ZNF831: variants seen among roughly 807,000 people sequenced by gnomAD.
The protein encoded by ZNF831 is chromosome 20 open reading frame 174.
Under a neutral mutation model 95.8 loss-of-function variants are expected in ZNF831, and 59 were observed. The observed-to-expected ratio is 0.62, with a 90% CI of 0.50 to 0.77. The LOEUF (loss-of-function observed/expected upper bound fraction) is 0.77, where lower values mean the gene tolerates loss of function less well. Among genes scored for constraint, ZNF831 ranks in the 30% least tolerant of loss-of-function variants. The probability of loss-of-function intolerance (pLI) is 0.00; values close to 1 mark genes in which losing one functional copy is unlikely to be tolerated. For synonymous variants in ZNF831, 961 were observed against 925.5 expected, an observed-to-expected ratio of 1.04 and a Z score of -0.70; for missense variants, 2,205 against 2,164.0, an observed-to-expected ratio of 1.02 and a Z score of -0.38.
Position 59,148,722 on chromosome 20 carries a change from AAAG to A in ZNF831, c.-1281+2351_-1281+2353del, listed in dbSNP as rs1392047804. Among the ~76,000 whole-genome samples the A allele has an allele frequency of 4.6e-5, 4 of 87,700 alleles. 1 individual carries two copies. The highest frequency in any genetic ancestry group is 2.7e-4 in the South Asian group (1 of 3,654). 57.5% of individuals were successfully genotyped at this position (87,700 alleles called of 152,430 possible). ...AAAAAAAAAAAAAAAAAAAAAAAAAAAAGAACAGAGCGTGAGAGCAAGCAGGGT... is the reference window on the plus strand; with the variant it reads ...AAAAAAAAAAAAAAAAAAAAAAAAAAAACAGAGCGTGAGAGCAAGCAGGGT... On this transcript the variant is annotated intron_variant, in intron 2 of 7. Coordinates refer to the ZNF831 transcript ENST00000637017.
chr20:59,165,502 G>T lies in ZNF831; in HGVS notation c.-37+1295G>T, dbSNP rs188057524. ...TAAGTGACTTATTCCAGGTTACAGG[G>T]TTTATAGGTAGCAGAGCAAAGGTTC... On this transcript the variant is annotated intron_variant, in intron 1 of 5. Coordinates refer to ENST00000371030, the MANE Select transcript of ZNF831 (RefSeq NM_178457.3). Among the ~76,000 whole-genome samples the T allele has an allele frequency of 5.0e-3, 758 of 152,278 alleles. 2 individuals carry two copies. Among genetic ancestry groups the T allele is most frequent in the Middle Eastern group, 0.017 (5 of 294 alleles).
chr20:59,252,840 G>A (rs918902237), intron 4 of ZNF831, 138 bp from the exon 5 acceptor site: 4 of 792,772 alleles, frequency 5.0e-6, no homozygotes, highest in Non-Finnish European at 7.4e-6. Context: ...GAGATAAATT[G>A]AGTTCTTGCA....
rs941752202 is a variant in ZNF831 at position 59,193,209 on chromosome 20, A to G, written c.2190A>G (p.Ser730=). The G allele has an allele frequency of 5.7e-6, 9 of 1,586,662 alleles. No individual in the cohort carries two copies. The highest frequency in any genetic ancestry group is 1.8e-5 in the Admixed American group (1 of 55,978). ...GACCCAGGGTGGAAGAGGCTGTGTCATCCCCTGCACTGGGTGGCAGAGACA... is the reference window on the plus strand; with the variant it reads ...GACCCAGGGTGGAAGAGGCTGTGTCGTCCCCTGCACTGGGTGGCAGAGACA... The part of the protein sequence containing the change: ...SDRPRVEEAV[S]SPALGGRDSP... Residue 730 remains serine, a synonymous_variant, in exon 2 of 6, where the codon TCA becomes TCG. Transcript: ENST00000371030.
At chr20:59,178,157 C>G (rs1200053072) in intron 1 of ZNF831, among the ~76,000 whole-genome samples, 1 of 152,210 alleles carries the variant, frequency 6.6e-6, no homozygotes, top group Non-Finnish European at 1.5e-5. Flanking sequence ...TTGAGGGAAC[C>G]AGGGCTTCAA....
At chr20:59,209,118 G>T (rs188076968) in intron 4 of ZNF831, among the ~76,000 whole-genome samples, 1 of 152,336 alleles carries the variant, frequency 6.6e-6, no homozygotes, top group Admixed American at 6.5e-5. Flanking sequence ...GACATTGGCA[G>T]ATCTGTTTGC....
At chr20:59,240,367 T>G (rs555161826) in intron 4 of ZNF831, among the ~76,000 whole-genome samples, 1 of 152,326 alleles carries the variant, frequency 6.6e-6, no homozygotes, top group South Asian at 2.1e-4. Context: ...AGTGGTAGAA[T>G]AGAATCCTTC....
chr20:59,193,524 A>G lies in ZNF831; in HGVS notation c.2505A>G (p.Gln835=). 2 of 1,608,446 alleles carry G rather than the reference A, an allele frequency of 1.2e-6. No individual in the cohort carries two copies. The highest frequency in any genetic ancestry group is 1.7e-6 in the Non-Finnish European group (2 of 1,177,428). Residue 835 remains glutamine (Q), a synonymous_variant, in exon 2 of 6, where the codon CAA becomes CAG. Coordinates refer to ENST00000371030, the MANE Select transcript of ZNF831 (RefSeq NM_178457.3). ...LKVEDLHSWK[Q]PEPVSAETPG... ...TGGAGGACCTGCACAGCTGGAAGCA[A>G]CCAGAGCCTGTGAGCGCAGAGACCC...
At chr20:59,182,181 T>C (rs1250041625) in intron 1 of ZNF831, among the ~76,000 whole-genome samples, 1 of 152,030 alleles carries the variant, frequency 6.6e-6, no homozygotes, top group Non-Finnish European at 1.5e-5. Context: ...CTTGGGCCTG[T>C]GGCCTGGACA....
intron 1 of ZNF831, among the ~76,000 whole-genome samples, chr20:59,127,829 G>C (rs1267218478): frequency 6.6e-6 from 1 of 152,194 alleles, no homozygotes; most frequent in Non-Finnish European, 1.5e-5. Flanking sequence ...TTCTGAATTT[G>C]GGCTGAACTT....
intron 1 of ZNF831, among the ~76,000 whole-genome samples, chr20:59,175,201 T>G: frequency 6.9e-6 from 1 of 143,964 alleles, no homozygotes; most frequent in Non-Finnish European, 1.5e-5. Context: ...TGCTTTGGTG[T>G]GGATTTCTTT....
intron 4 of ZNF831, among the ~76,000 whole-genome samples, chr20:59,238,635 T>C (rs916595233): frequency 3.9e-5 from 6 of 152,248 alleles, no homozygotes; most frequent in African/African-American, 1.4e-4. Flanking sequence ...CTTTCTTTTC[T>C]CTTTGAGATT....
In ZNF831 at chr20:59,253,866, CCA is replaced by C. The variant is rs1491103724; in HGVS notation, c.4189-30_4189-29del. ...TCTTTGTACCAATTAACCTCCCCCCCCACTTTTTTTTTCCTTTGCACTTTGTT... is the reference window on the plus strand; with the variant it reads ...TCTTTGTACCAATTAACCTCCCCCCCCTTTTTTTTTCCTTTGCACTTTGTT... On this transcript the variant is annotated intron_variant, in intron 5 of 5. Transcript: ENST00000371030. 2.9e-4 allele frequency: 330 copies of C among 1,137,896 alleles called. 44 individuals carry two copies. The highest frequency in any genetic ancestry group is 3.4e-4 in the Non-Finnish European group (288 of 846,378). The allele number at this position is 1,137,896 out of a possible 1,614,324, so 70.5% of individuals were successfully genotyped here.
rs918624385 is a variant in ZNF831 at position 59,210,901 on chromosome 20, C to T, written c.4027+3845C>T. Among the ~76,000 whole-genome samples the T allele has an allele frequency of 1.3e-4, 10 of 79,496 alleles. 1 individual carries two copies. Among genetic ancestry groups the T allele is most frequent in the Non-Finnish European group, 2.1e-4 (9 of 42,408 alleles). 52.2% of individuals were successfully genotyped at this position (79,496 alleles called of 152,430 possible). The stretch of plus-strand genomic sequence containing the variant: ...ACAAAAAATTAGCCGGGCGCGGTGG[C>T]GGGCGCCTGTAGTCCCAGCTACTCG... On this transcript the variant is annotated intron_variant, in intron 4 of 5. Transcript: ENST00000371030.
intron 2 of ZNF831, among the ~76,000 whole-genome samples, chr20:59,157,068 T>C (rs553552082): frequency 4.8e-4 from 73 of 152,330 alleles, no homozygotes; most frequent in Admixed American, 1.0e-3. Context: ...CATCTCTTTG[T>C]GTTATAAACA....
At position 59,207,065 on chromosome 20, in the gene ZNF831, C is replaced by T. The variant is rs1213184672; in HGVS notation, c.4027+9C>T. The stretch of plus-strand genomic sequence containing the variant: ...CTCTTCAGAAATAGCAGGTAATGCT[C>T]TCTTTGGAGGTGCATCCAGACTGGG... On this transcript the variant is annotated intron_variant, in intron 4 of 5. Transcript: ENST00000371030. 1 of 1,613,548 alleles carries T rather than the reference C, an allele frequency of 6.2e-7. No individual in the cohort carries two copies. The highest frequency in any genetic ancestry group is 8.5e-7 in the Non-Finnish European group (1 of 1,179,728).
At chr20:59,141,866 CT>C (rs1306882205) in intron 1 of ZNF831, among the ~76,000 whole-genome samples, 1 of 152,218 alleles carries the variant, frequency 6.6e-6, no homozygotes, top group African/African-American at 2.4e-5. Context: ...AAAAAACTAT[CT>C]GTGAACCCTG....
At chr20:59,177,310 T>C (rs748534472) in intron 1 of ZNF831, among the ~76,000 whole-genome samples, 2 of 152,172 alleles carry the variant, frequency 1.3e-5, no homozygotes, top group Non-Finnish European at 2.9e-5. Flanking sequence ...CCCAGGGAAA[T>C]AGTATACTTG....
chr20:59,192,159 C>T lies in ZNF831; in HGVS notation c.1140C>T (p.Gly380=), dbSNP rs1253865971. 6.4e-7 allele frequency: 1 copy of T among 1,559,360 alleles called. No homozygotes were observed. The highest frequency in any genetic ancestry group is 8.6e-7 in the Non-Finnish European group (1 of 1,159,108). ...SAESEGEGGP[G]PGPGVAGAEP... ...AGTCCGAGGGGGAGGGCGGCCCGGG[C>T]CCGGGGCCAGGGGTCGCAGGGGCCG... Residue 380 remains glycine (G), a synonymous_variant, in exon 2 of 6, where the codon GGC becomes GGT. Transcript: ENST00000371030. The surrounding 1 kb of genome is among the most constrained non-coding windows in gnomAD (Gnocchi z 5.2).
rs1236450410 is a variant in ZNF831, at chr20:59,192,746, GC to G, written c.1728del (p.Asp577MetfsTer36). ...AVEDLPGTPIGDALVPAEDTD... is the reference protein window; with the variant it reads ...AVEDLPGTPIXDALVPAEDTD... ...GAGGACCTGCCAGGCACCCCCATTGGCGATGCCCTGGTGCCCGCAGAGGACA... is the reference window on the plus strand; with the variant it reads ...GAGGACCTGCCAGGCACCCCCATTGGGATGCCCTGGTGCCCGCAGAGGACA... On this transcript the variant is annotated frameshift_variant, in exon 2 of 6. Transcript: ENST00000371030. LOFTEE classifies it high-confidence loss of function. This position sits in a 1 kb window ranked among gnomAD's most constrained non-coding sequence, Gnocchi z 5.2. 4 of 1,611,342 alleles carry G rather than the reference GC, an allele frequency of 2.5e-6. No homozygotes were observed. Among genetic ancestry groups the G allele is most frequent in the Non-Finnish European group, 3.4e-6 (4 of 1,179,424 alleles).
Sources: allele counts gnomAD v4.1 joint callset (sites outside exome capture counted in the v4.1 genomes callset), GRCh38; gene constraint gnomAD v4.1.1; non-coding constraint Gnocchi (gnomAD v3.1); transcripts MANE v1.5; gene names NCBI Gene and HGNC (gene_info 2026-07-23, HGNC 2026-07-21).